TRIM44: variants seen among roughly 807,000 people sequenced by gnomAD.
TRIM44 encodes tripartite motif-containing protein 44.
A neutral mutation model predicts 37.4 loss-of-function variants in TRIM44; 13 were observed. The ratio of observed to expected loss-of-function variants is 0.35; its 90% CI spans 0.23 to 0.55. The LOEUF is 0.55. Ranked by LOEUF, TRIM44 falls within the 20% of genes least tolerant of loss-of-function variation. TRIM44 has a pLI of 0.89. For synonymous variants in TRIM44, 175 were observed against 157.2 expected (o/e 1.11, Z -0.85); for missense variants, 426 against 437.2 (o/e 0.97, Z 0.23).
At position 35,813,785 on chromosome 11, in the gene TRIM44, A is replaced by AG. The variant is rs1442428593; in HGVS notation, c.*7400_*7401insG. 1 of 152,096 alleles carries AG rather than the reference A, an allele frequency of 6.6e-6. No individual in the cohort carries two copies. The highest frequency in any genetic ancestry group is 1.5e-5 in the Non-Finnish European group (1 of 68,018). The allele number at this position is 152,096 out of a possible 1,614,324, so 9.4% of individuals were successfully genotyped here. The stretch of plus-strand genomic sequence containing the variant: ...TACATCCCAATGGTTAAAAAAAAAA[A>AG]CTTTTAGGAATTAAAAGGAATAAAC... On this transcript the variant is annotated 3_prime_UTR_variant, in exon 5 of 5. Transcript: ENST00000299413.
intron 4 of TRIM44, among the ~76,000 whole-genome samples, chr11:35,791,157 C>T (rs1021962368): frequency 1.3e-5 from 2 of 152,062 alleles, no homozygotes; most frequent in African/African-American, 4.8e-5. Context: ...TCCATTTGCT[C>T]CAGACCCCCA....
At chr11:35,728,238 A>G (rs1852209743) in intron 3 of TRIM44, among the ~76,000 whole-genome samples, 1 of 152,150 alleles carries the variant, frequency 6.6e-6, no homozygotes, top group Admixed American at 6.5e-5. Context: ...AGGCAGAAGA[A>G]TCGCTTGAAC....
intron 1 of TRIM44, 110 bp downstream of exon 1, chr11:35,663,890 G>GGGAC (rs1565400128): frequency 2.3e-5 from 31 of 1,336,768 alleles, no homozygotes; most frequent in Non-Finnish European, 3.1e-5. Flanking sequence ...TAAGAAGCTA[G>GGGAC]TCTTTCCAAC....
At chr11:35,733,683 C>T (rs1029910532) in intron 3 of TRIM44, among the ~76,000 whole-genome samples, 56 of 152,202 alleles carry the variant, frequency 3.7e-4, no homozygotes, top group African/African-American at 1.2e-3. Context: ...ATTTAAATCA[C>T]CTTTCTGGCT....
At chr11:35,752,973 A>G (rs76528552) in intron 4 of TRIM44, among the ~76,000 whole-genome samples, 1,608 of 152,242 alleles carry the variant, frequency 0.011, 30 homozygotes, top group African/African-American at 0.037. Context: ...AATTTTGTCC[A>G]TTTCACAACT....
intron 2 of TRIM44, among the ~76,000 whole-genome samples, chr11:35,710,590 G>T (rs1025866704): frequency 6.6e-5 from 10 of 152,200 alleles, no homozygotes; most frequent in Non-Finnish European, 1.5e-4. Flanking sequence ...CCCAGGAAAA[G>T]CATAGTAAAC....
At chr11:35,675,710 C>G (rs751579932) in intron 1 of TRIM44, among the ~76,000 whole-genome samples, 4 of 152,162 alleles carry the variant, frequency 2.6e-5, no homozygotes, top group Non-Finnish European at 4.4e-5. Context: ...TTAGTAGAGA[C>G]GGGGTTTCAC....
At chr11:35,726,277 T>G in intron 3 of TRIM44, 114 bp downstream of exon 3, 2 of 1,367,516 alleles carry the variant, frequency 1.5e-6, no homozygotes, top group South Asian at 2.8e-5. Context: ...CTAGGTAGAG[T>G]ATAAGTGTTT....
chr11:35,761,782 TCTC>T (rs1342532404), intron 4 of TRIM44, among the ~76,000 whole-genome samples: 1 of 152,184 alleles, frequency 6.6e-6, no homozygotes, highest in African/African-American at 2.4e-5. Flanking sequence ...GAATAAAACT[TCTC>T]CTATGCATGT....
intron 2 of TRIM44, among the ~76,000 whole-genome samples, 199 bp downstream of exon 2, chr11:35,685,535 C>T (rs1441654981): frequency 1.3e-5 from 2 of 152,232 alleles, no homozygotes; most frequent in Non-Finnish European, 2.9e-5. Flanking sequence ...TGACTTACAA[C>T]ACATAATCAT....
chr11:35,675,710 C>T (rs751579932), intron 1 of TRIM44, among the ~76,000 whole-genome samples: 3 of 152,042 alleles, frequency 2.0e-5, no homozygotes, highest in South Asian at 2.1e-4. Context: ...TTAGTAGAGA[C>T]GGGGTTTCAC....
At chr11:35,740,313 C>CA (rs1852379845) in intron 4 of TRIM44, among the ~76,000 whole-genome samples, 1 of 151,768 alleles carries the variant, frequency 6.6e-6, no homozygotes, top group Non-Finnish European at 1.5e-5. Flanking sequence ...GAGGGGGTGG[C>CA]AATAGGATCT....
Position 35,814,988 on chromosome 11 carries a change from TGAG to T in TRIM44, c.*8608_*8610del, listed in dbSNP as rs890834673. The T allele has an allele frequency of 1.3e-5, 2 of 152,130 alleles. No individual in the cohort carries two copies. The highest frequency in any genetic ancestry group is 4.8e-5 in the African/African-American group (2 of 41,422). 9.4% of individuals were successfully genotyped at this position (152,130 alleles called of 1,614,324 possible). A position where few individuals can be genotyped will look rare whatever the true frequency, so the allele number is the denominator to read the frequency against. On this transcript the variant is annotated 3_prime_UTR_variant, in exon 5 of 5. Coordinates refer to ENST00000299413, the MANE Select transcript of TRIM44 (RefSeq NM_017583.6). Reference sequence around the variant, plus strand: ...CATAAATTCTGGGCACTGCTCAGCTTGAGGAGGCAGGCATTGCTCCTTCATATT... The same window carrying T: ...CATAAATTCTGGGCACTGCTCAGCTTGAGGCAGGCATTGCTCCTTCATATT...
intron 1 of TRIM44, among the ~76,000 whole-genome samples, chr11:35,672,974 A>G (rs1431570362): frequency 6.6e-6 from 1 of 152,186 alleles, no homozygotes; most frequent in Non-Finnish European, 1.5e-5. Context: ...GCCACCCTGC[A>G]TAGTTCTGTA....
At chr11:35,754,963 A>C (rs561585411) in intron 4 of TRIM44, among the ~76,000 whole-genome samples, 15 of 152,334 alleles carry the variant, frequency 9.8e-5, no homozygotes, top group African/African-American at 3.1e-4. Context: ...TGCAATAAAC[A>C]TACATGTGCA....
intron 3 of TRIM44, among the ~76,000 whole-genome samples, chr11:35,734,123 A>T (rs182129417): frequency 3.3e-5 from 5 of 152,212 alleles, no homozygotes; most frequent in African/African-American, 1.2e-4. Flanking sequence ...CCTGTTTCTC[A>T]TGCTCCTGAT....
At chr11:35,795,851 T>C (rs1257004072) in intron 4 of TRIM44, among the ~76,000 whole-genome samples, 3 of 152,256 alleles carry the variant, frequency 2.0e-5, no homozygotes, top group Admixed American at 6.5e-5. Flanking sequence ...CATATGATGT[T>C]ATTAAATAAC....
Position 35,662,892 on chromosome 11 carries a change from G to A in TRIM44, c.-220G>A, listed in dbSNP as rs1374038350. 2 of 664,504 alleles carry A rather than the reference G, an allele frequency of 3.0e-6. No individual in the cohort carries two copies. Among genetic ancestry groups the A allele is most frequent in the African/African-American group, 1.9e-5 (1 of 53,180 alleles). The allele number at this position is 664,504 out of a possible 1,614,324, so 41.2% of individuals were successfully genotyped here. A position where few individuals can be genotyped will look rare whatever the true frequency, so the allele number is the denominator to read the frequency against. On this transcript the variant is annotated 5_prime_UTR_variant, in exon 1 of 5. Coordinates refer to ENST00000299413, the MANE Select transcript of TRIM44 (RefSeq NM_017583.6). ...TGCCTTGCGCGGCAGAGGAAGCGCA[G>A]GGACAGAGCGGAGCAGGCCGAGCCG...
chr11:35,732,269 G>T (rs12272652), intron 3 of TRIM44, among the ~76,000 whole-genome samples: 200 of 152,264 alleles, frequency 1.3e-3, no homozygotes, highest in African/African-American at 4.4e-3. Context: ...ACTGGTGGAG[G>T]TAGAAATGGG....
Sources: allele counts gnomAD v4.1 joint callset (sites outside exome capture counted in the v4.1 genomes callset), GRCh38; gene constraint gnomAD v4.1.1; transcripts MANE v1.5; gene names NCBI Gene and HGNC (gene_info 2026-07-23, HGNC 2026-07-21).